DIAPH1: variants seen among roughly 807,000 people sequenced by gnomAD.
DIAPH1 encodes the protein diaphanous related formin 1.
In DIAPH1, 46 loss-of-function variants were observed where a neutral mutation model predicts 140.7. That is an observed-to-expected ratio of 0.33 (90% confidence interval 0.26 to 0.42). The LOEUF is 0.42. DIAPH1 is among the 10% of genes least tolerant of loss of function. DIAPH1 has a pLI of 1.00. For missense variants in DIAPH1, 1,310 were observed against 1,558.7 expected (o/e 0.84, Z 2.69); for synonymous variants, 565 against 551.6 (o/e 1.02, Z -0.34).
intron 18 of DIAPH1, among the ~76,000 whole-genome samples, chr5:141,551,825 T>C (rs1381713036): frequency 6.6e-6 from 1 of 152,184 alleles, no homozygotes; most frequent in Non-Finnish European, 1.5e-5. Flanking sequence ...TACAGAACAC[T>C]TCACGTAACT....
At chr5:141,542,190 T>C (rs2154595403) in intron 18 of DIAPH1, among the ~76,000 whole-genome samples, 1 of 152,280 alleles carries the variant, frequency 6.6e-6, no homozygotes, top group African/African-American at 2.4e-5. Context: ...TCCCAGCAGT[T>C]TGGGAGGCCT....
rs542356255 is a variant in DIAPH1 at position 141,548,870 on chromosome 5, T to C, written c.2483-14437A>G. 4.6e-5 allele frequency among the ~76,000 whole-genome samples: 7 copies of C among 152,282 alleles called. No individual in the cohort carries two copies. In the South Asian group the frequency reaches 1.5e-3, roughly 32 times the overall value. On this transcript the variant is annotated intron_variant, in intron 18 of 27. Transcript: ENST00000389054. ...AGCATTATCTAGAGGGTAGTAAAAT[T>C]ATAATTTGTATTAGACTATCATAAG...
At chr5:141,602,670 T>A (rs2099900347) in intron 1 of DIAPH1, among the ~76,000 whole-genome samples, 1 of 152,232 alleles carries the variant, frequency 6.6e-6, no homozygotes, top group Non-Finnish European at 1.5e-5. Context: ...TAAAGCACTT[T>A]GTTTTGCAAA....
chr5:141,539,430 G>GTTTTTTTTTTTTTTTTTTT (rs374210300), intron 18 of DIAPH1, among the ~76,000 whole-genome samples: 2 of 131,828 alleles, frequency 1.5e-5, no homozygotes, highest in Admixed American at 7.7e-5. Context: ...TTTTTTTTTT[G>GTTTTTTTTTTTTTTTTTTT]TTTTTTTTTT....
intron 1 of DIAPH1, among the ~76,000 whole-genome samples, chr5:141,599,425 C>T (rs1221096514): frequency 1.3e-5 from 2 of 152,194 alleles, no homozygotes; most frequent in East Asian, 1.9e-4. Flanking sequence ...TGGACTACCA[C>T]CAGAACAGCA....
chr5:141,608,423 C>T (rs1314814159), intron 1 of DIAPH1, among the ~76,000 whole-genome samples: 2 of 152,196 alleles, frequency 1.3e-5, no homozygotes, highest in South Asian at 4.1e-4. Flanking sequence ...CACTTAATTC[C>T]CTCACTTCTA....
At chr5:141,552,193 G>GT (rs199775030) in intron 18 of DIAPH1, among the ~76,000 whole-genome samples, 1,960 of 143,162 alleles carry the variant, frequency 0.014, 42 homozygotes, top group African/African-American at 0.041. Flanking sequence ...TGTTTTTGTT[G>GT]TTTTTTTTTT....
At chr5:141,536,405 A>G (rs879461847) in intron 18 of DIAPH1, among the ~76,000 whole-genome samples, 2 of 152,210 alleles carry the variant, frequency 1.3e-5, no homozygotes, top group Non-Finnish European at 2.9e-5. Flanking sequence ...GAGTACCTAT[A>G]TGTGCCAGGC....
intron 27 of DIAPH1, chr5:141,518,853 C>T (rs1450335088): frequency 7.8e-7 from 1 of 1,282,834 alleles, no homozygotes; most frequent in Non-Finnish European, 1.1e-6. Context: ...TCTTCTCTCC[C>T]TGCAGAGCCA....
At chr5:141,576,513 A>G (rs1291321073) in intron 13 of DIAPH1, among the ~76,000 whole-genome samples, 2 of 152,186 alleles carry the variant, frequency 1.3e-5, no homozygotes, top group East Asian at 1.9e-4. Flanking sequence ...CCTATGAGTG[A>G]TATTTTTGAC....
Position 141,583,257 on chromosome 5 carries a change from G to A in DIAPH1, c.569C>T (p.Ser190Phe). 6.2e-7 allele frequency: 1 copy of A among 1,614,236 alleles called. No homozygotes were observed. The highest frequency in any genetic ancestry group is 2.2e-5 in the East Asian group (1 of 44,890). Residue 190 changes from serine (S) to phenylalanine (F), a missense_variant, in exon 6 of 28, where the codon TCC (serine) becomes TTC (phenylalanine). Around this residue, in one of 3 missense-constraint regions of DIAPH1, gnomAD observed 377 missense variants for 497.1 expected, o/e 0.76. Coordinates refer to ENST00000389054, the MANE Select transcript of DIAPH1 (RefSeq NM_005219.5). ...AAGTCGTTTAAGAATGTCCAATAAG[G>A]AGGCCAAGCCTTCAGCACCAAATGT... ...VQTFGAEGLA[S>F]LLDILKRLHD...
At chr5:141,560,931 A>G in intron 18 of DIAPH1, 1 of 455,570 alleles carries the variant, frequency 2.2e-6, no homozygotes, top group South Asian at 1.6e-5. Context: ...AAGGGTGGGG[A>G]AAGATGAGGG....
At chr5:141,525,903 G>A (rs2099887268) in intron 26 of DIAPH1, 135 bp downstream of exon 26, 1 of 1,386,776 alleles carries the variant, frequency 7.2e-7, no homozygotes, top group Non-Finnish European at 1.0e-6. Flanking sequence ...CCGGCATCAG[G>A]ATCTCGGAGT....
chr5:141,517,104 T>A, intron 27 of DIAPH1, 96 bp from the exon 28 acceptor site: 1 of 1,462,728 alleles, frequency 6.8e-7, no homozygotes, highest in African/African-American at 1.4e-5. Context: ...CATGCAGACA[T>A]GACTACCTTG....
At chr5:141,524,621 G>C in intron 26 of DIAPH1, 1 of 328,162 alleles carries the variant, frequency 3.0e-6, no homozygotes, top group African/African-American at 2.2e-5. Context: ...TGTTTTGCCT[G>C]GTTAGGTTTC....
chr5:141,535,977 C>T (rs996201843), intron 18 of DIAPH1: 3 of 466,168 alleles, frequency 6.4e-6, no homozygotes, highest in Non-Finnish European at 1.3e-5. Context: ...AAAAAAGTTA[C>T]ATACAAAAGG....
intron 15 of DIAPH1, 131 bp from the exon 16 acceptor site, chr5:141,574,339 G>C (rs1400973970): frequency 6.7e-6 from 6 of 897,240 alleles, no homozygotes; most frequent in Non-Finnish European, 8.6e-6. Flanking sequence ...GAGTCAGAGA[G>C]ATGACATGAT....
At chr5:141,597,676 T>G (rs568155175) in intron 1 of DIAPH1, among the ~76,000 whole-genome samples, 1 of 152,302 alleles carries the variant, frequency 6.6e-6, no homozygotes, top group East Asian at 1.9e-4. Flanking sequence ...CAATGAGACT[T>G]GAGCCAGACC....
At chr5:141,615,640 G>A (rs1040361655) in intron 1 of DIAPH1, among the ~76,000 whole-genome samples, 13 of 151,946 alleles carry the variant, frequency 8.6e-5, no homozygotes, top group African/African-American at 3.1e-4. Flanking sequence ...CTACTGGGGA[G>A]GCTGAGGCAG....
Sources: allele counts gnomAD v4.1 joint callset (sites outside exome capture counted in the v4.1 genomes callset), GRCh38; gene constraint gnomAD v4.1.1; regional missense constraint gnomAD v4.1.1; transcripts MANE v1.5; gene names NCBI Gene and HGNC (gene_info 2026-07-23, HGNC 2026-07-21).